Variants in CCDC14 observed in about 807,000 individuals in gnomAD.
CCDC14 encodes the protein coiled-coil domain-containing protein 14.
A neutral mutation model predicts 81.4 loss-of-function variants in CCDC14; 71 were observed. That is an observed-to-expected ratio of 0.87 (90% confidence interval 0.72 to 1.06). CCDC14 has a LOEUF of 1.06. CCDC14 is among the 50% of genes least tolerant of loss of function. The pLI is 0.00. For missense variants in CCDC14, 1,046 were observed against 1,047.3 expected (o/e 1.00, Z 0.02); for synonymous variants, 332 against 364.8 (o/e 0.91, Z 1.03).
intron 7 of CCDC14, among the ~76,000 whole-genome samples, chr3:123,948,125 C>T (rs1166227313): frequency 6.6e-6 from 1 of 152,062 alleles, no homozygotes; most frequent in Non-Finnish European, 1.5e-5. Flanking sequence ...AGTGTGTCAA[C>T]AGCAGTTGTA....
chr3:123,891,041 G>C, the CCDC14 span, among the ~76,000 whole-genome samples: 2 of 152,186 alleles, frequency 1.3e-5, no homozygotes, highest in African/African-American at 4.8e-5. Context: ...AGCTGCCAAG[G>C]CTTGGGGCTT....
intron 12 of CCDC14, among the ~76,000 whole-genome samples, chr3:123,917,054 G>A (rs886382285): frequency 1.1e-4 from 16 of 151,438 alleles, no homozygotes; most frequent in East Asian, 2.0e-4. Flanking sequence ...TGTGTTAGCC[G>A]GGATGGTCTC....
At position 123,931,630 on chromosome 3, in the gene CCDC14, T is replaced by C. The variant is rs549408189; in HGVS notation, c.1427-104A>G. 26 of 637,706 alleles carry C rather than the reference T, an allele frequency of 4.1e-5. No individual in the cohort carries two copies. In the South Asian group the frequency reaches 5.5e-4, roughly 13 times the overall value. The allele number at this position is 637,706 out of a possible 1,614,324, so 39.5% of individuals were successfully genotyped here. ...AAAAAAAAAAAAGGCCTGAAATTTATTGATTTTGTTTAACGATTAATTGCA... is the reference window on the plus strand; with the variant it reads ...AAAAAAAAAAAAGGCCTGAAATTTACTGATTTTGTTTAACGATTAATTGCA... On this transcript the variant is annotated intron_variant, in intron 10 of 12. Transcript: ENST00000409697.
chr3:123,912,034 A>G (rs1007261091), downstream of CCDC14, among the ~76,000 whole-genome samples: 1 of 152,200 alleles, frequency 6.6e-6, no homozygotes, highest in African/African-American at 2.4e-5. Context: ...ACTTGGTCCA[A>G]TATCATCAGA....
intron 1 of CCDC14, 141 bp downstream of exon 1, chr3:123,961,003 C>T (rs2037651051): frequency 1.4e-6 from 1 of 705,906 alleles, no homozygotes; most frequent in Non-Finnish European, 2.3e-6. Context: ...ATTAGGTGTT[C>T]CCTGCACCTC....
intron 5 of CCDC14, among the ~76,000 whole-genome samples, chr3:123,902,003 C>T (rs1047655885): frequency 5.3e-5 from 8 of 152,102 alleles, no homozygotes; most frequent in African/African-American, 1.9e-4. Flanking sequence ...TAATAACAGA[C>T]ATAGTAAAGC....
At chr3:123,887,930 A>T in the CCDC14 span, among the ~76,000 whole-genome samples, 1 of 151,136 alleles carries the variant, frequency 6.6e-6, no homozygotes. Context: ...TTCTTTCTTC[A>T]TTTGTTTTTA....
intron 7 of CCDC14, among the ~76,000 whole-genome samples, chr3:123,948,000 A>G (rs1246815236): frequency 6.6e-6 from 1 of 152,270 alleles, no homozygotes; most frequent in South Asian, 2.1e-4. Context: ...GCAGCAGTAT[A>G]TAAGACTGTA....
intron 12 of CCDC14, among the ~76,000 whole-genome samples, chr3:123,916,470 G>T (rs2034703650): frequency 8.5e-6 from 1 of 117,270 alleles, no homozygotes; most frequent in African/African-American, 3.2e-5. Flanking sequence ...ATATGTGTTT[G>T]TGTGTGTGTG....
In CCDC14 at chr3:123,915,360, C is replaced by CT. The variant is rs1218132409; in HGVS notation, c.2136dup (p.Gly713ArgfsTer3). ...TCTATTAAAGCCATAGTTTCACTCCCTTCATCAGAATCCTGTTTTGAAAGG... is the reference window on the plus strand; with the variant it reads ...TCTATTAAAGCCATAGTTTCACTCCCTTTCATCAGAATCCTGTTTTGAAAGG... On this transcript the variant is annotated frameshift_variant, in exon 13 of 13. Transcript: ENST00000409697. LOFTEE classifies it low-confidence loss of function (END_TRUNC). The CT allele has an allele frequency of 6.2e-7, 1 of 1,613,688 alleles. No homozygotes were observed. The highest frequency in any genetic ancestry group is 1.3e-5 in the African/African-American group (1 of 74,902).
chr3:123,893,888 A>G (rs940962025), downstream of CCDC14, among the ~76,000 whole-genome samples: 5 of 152,098 alleles, frequency 3.3e-5, no homozygotes, highest in African/African-American at 1.2e-4. Context: ...TTCCCATTTT[A>G]AAATTGGGTT....
intron 12 of CCDC14, among the ~76,000 whole-genome samples, chr3:123,922,586 C>T (rs1263339992): frequency 6.6e-6 from 1 of 152,010 alleles, no homozygotes; most frequent in East Asian, 1.9e-4. Flanking sequence ...AGCAATTATA[C>T]ACCAACAAAT....
intron 12 of CCDC14, among the ~76,000 whole-genome samples, chr3:123,922,650 C>T (rs1334158787): frequency 6.6e-6 from 1 of 151,990 alleles, no homozygotes; most frequent in East Asian, 1.9e-4. Context: ...CTTACCAAAC[C>T]TGAATCATGA....
chr3:123,935,226 AC>A lies in CCDC14; in HGVS notation c.1344-1472del, dbSNP rs551083900. On this transcript the variant is annotated intron_variant, in intron 9 of 12. Transcript: ENST00000409697. Reference sequence around the variant, plus strand: ...AAGAATTGCAAATTTAAAAGAAGGTACTTTTTGGCCATAGAATTGACAAAAA... The same window carrying A: ...AAGAATTGCAAATTTAAAAGAAGGTATTTTTGGCCATAGAATTGACAAAAA... 3.2e-3 allele frequency among the ~76,000 whole-genome samples: 485 copies of A among 152,302 alleles called. 1 individual carries two copies. Among genetic ancestry groups the A allele is most frequent in the Middle Eastern group, 0.014 (4 of 294 alleles).
intron 5 of CCDC14, among the ~76,000 whole-genome samples, chr3:123,898,590 G>A (rs2034116823): frequency 6.6e-6 from 1 of 151,996 alleles, no homozygotes; most frequent in African/African-American, 2.4e-5. Context: ...GTGAGTGGAG[G>A]ATTGAGATGG....
chr3:123,913,803 A>T lies in CCDC14; in HGVS notation c.*976T>A. The stretch of plus-strand genomic sequence containing the variant: ...AGTAGGCAGGTGACCTGTACAAAGT[A>T]TTAGTGATAACACAACATTCAGCTT... On this transcript the variant is annotated 3_prime_UTR_variant, in exon 13 of 13. Coordinates refer to ENST00000409697, the MANE Select transcript of CCDC14 (RefSeq NM_001366335.1). The T allele has an allele frequency of 1.0e-6, 1 of 985,390 alleles. No individual in the cohort carries two copies. The highest frequency in any genetic ancestry group is 1.2e-6 in the Non-Finnish European group (1 of 829,900). 61.0% of individuals were successfully genotyped at this position (985,390 alleles called of 1,614,324 possible). A position where few individuals can be genotyped will look rare whatever the true frequency, so the allele number is the denominator to read the frequency against.
chr3:123,913,602 C>CT lies in CCDC14; in HGVS notation c.*1176dup. 2 of 983,442 alleles carry CT rather than the reference C, an allele frequency of 2.0e-6. No individual in the cohort carries two copies. Among genetic ancestry groups the CT allele is most frequent in the Non-Finnish European group, 2.4e-6 (2 of 829,262 alleles). The allele number at this position is 983,442 out of a possible 1,614,324, so 60.9% of individuals were successfully genotyped here. On this transcript the variant is annotated 3_prime_UTR_variant, in exon 13 of 13. Coordinates refer to ENST00000409697, the MANE Select transcript of CCDC14 (RefSeq NM_001366335.1). ...TTAATAAATTTTTAGACTTAAATCT[C>CT]TATCTGGAAAATCTGAACATATCAA...
downstream of CCDC14, among the ~76,000 whole-genome samples, chr3:123,911,839 C>T (rs1223693516): frequency 2.6e-5 from 4 of 152,156 alleles, no homozygotes; most frequent in Non-Finnish European, 2.9e-5. Context: ...TACAATGCTG[C>T]CCTACTTTCC....
chr3:123,931,686 T>C (rs2035730195), intron 10 of CCDC14, among the ~76,000 whole-genome samples, 160 bp from the exon 11 acceptor site: 1 of 152,316 alleles, frequency 6.6e-6, no homozygotes. Flanking sequence ...CTACATATAT[T>C]TTTAAAAATG....
Sources: allele counts gnomAD v4.1 joint callset (sites outside exome capture counted in the v4.1 genomes callset), GRCh38; gene constraint gnomAD v4.1.1; transcripts MANE v1.5; gene names NCBI Gene and HGNC (gene_info 2026-07-23, HGNC 2026-07-21).